FMN1: variants seen among roughly 807,000 people sequenced by gnomAD.
The protein encoded by FMN1 is formin 1.
In FMN1, 110 loss-of-function variants were observed where a neutral mutation model predicts 132.4. That is an observed-to-expected ratio of 0.83 (90% CI 0.71 to 0.97). The LOEUF (loss-of-function observed/expected upper bound fraction) is 0.97. Among genes scored for constraint, FMN1 ranks in the 50% least tolerant of loss-of-function variants. The pLI, the probability that FMN1 is intolerant of heterozygous loss-of-function variation, is 0.00. For synonymous variants in FMN1, 722 were observed against 651.7 expected, an observed-to-expected ratio of 1.11 and a Z score of -1.64; for missense variants, 1,792 against 1,705.3, an observed-to-expected ratio of 1.05 and a Z score of -0.90.
chr15:32,878,900 G>T (rs1038435545), intron 16 of FMN1, among the ~76,000 whole-genome samples: 3 of 152,162 alleles, frequency 2.0e-5, no homozygotes, highest in Non-Finnish European at 4.4e-5. Context: ...AATAGAGGGT[G>T]CAAACTGAGA....
chr15:32,891,757 C>T (rs1007707780), intron 15 of FMN1, among the ~76,000 whole-genome samples: 12 of 151,924 alleles, frequency 7.9e-5, no homozygotes, highest in African/African-American at 2.9e-4. Flanking sequence ...TTGTGGAGGT[C>T]TTTTGACTCC....
chr15:32,891,606 T>C (rs575020194), intron 15 of FMN1, among the ~76,000 whole-genome samples: 2 of 152,276 alleles, frequency 1.3e-5, no homozygotes, highest in South Asian at 2.1e-4. Context: ...AATTTGTAGA[T>C]TGCTTTGGGC....
chr15:32,953,007 T>C (rs954829487), intron 9 of FMN1, among the ~76,000 whole-genome samples: 1 of 152,162 alleles, frequency 6.6e-6, no homozygotes. Flanking sequence ...CCCCACACTG[T>C]ACTGGGGAAC....
intron 4 of FMN1, among the ~76,000 whole-genome samples, chr15:33,115,496 C>CACA (rs1566928919): frequency 2.3e-4 from 33 of 141,742 alleles, no homozygotes; most frequent in Admixed American, 4.2e-4. Context: ...CTTAAGCCCC[C>CACA]CCCCCCCACA....
intron 6 of FMN1, among the ~76,000 whole-genome samples, chr15:33,020,625 C>T (rs1300934248): frequency 2.3e-5 from 3 of 128,794 alleles, no homozygotes; most frequent in Non-Finnish European, 4.8e-5. Flanking sequence ...GAGACAAGAG[C>T]GAAACTCCGT....
intron 17 of FMN1, among the ~76,000 whole-genome samples, chr15:32,845,515 G>C (rs1379801436): frequency 6.6e-6 from 1 of 152,086 alleles, no homozygotes; most frequent in African/African-American, 2.4e-5. Flanking sequence ...AGGGTCCTGG[G>C]ACTCAAAAGA....
intron 4 of FMN1, among the ~76,000 whole-genome samples, chr15:33,106,851 A>G (rs575393971): frequency 6.6e-6 from 1 of 152,022 alleles, no homozygotes; most frequent in Non-Finnish European, 1.5e-5. Flanking sequence ...TAAATGTTTC[A>G]GCACCCCAAA....
Position 32,788,617 on chromosome 15 carries a change from G to C in FMN1, c.4130+10187C>G, listed in dbSNP as rs572951086. On this transcript the variant is annotated intron_variant, in intron 19 of 20. Transcript: ENST00000616417. ...CCAGGCAGCCCCCTGTTGCATCTCT[G>C]CCCAAGGCAGGAGCTGTCAGGAGTC... Among the ~76,000 whole-genome samples, 30 of 152,324 alleles carry C rather than the reference G, an allele frequency of 2.0e-4. No homozygotes were observed. The South Asian group carries it at 5.8e-3, about 29-fold the overall frequency.
intron 6 of FMN1, among the ~76,000 whole-genome samples, chr15:33,017,184 C>G (rs2035101391): frequency 6.6e-6 from 1 of 151,502 alleles, no homozygotes; most frequent in Non-Finnish European, 1.5e-5. Context: ...AGGGAGGAAT[C>G]AGTGGAGCGA....
At chr15:32,863,348 G>A (rs1018915741) in intron 16 of FMN1, among the ~76,000 whole-genome samples, 1 of 152,156 alleles carries the variant, frequency 6.6e-6, no homozygotes, top group Non-Finnish European at 1.5e-5. Flanking sequence ...GCAGGAGAAT[G>A]GCGTGAACCC....
chr15:33,116,152 G>A (rs899205990), intron 4 of FMN1, among the ~76,000 whole-genome samples: 5 of 152,184 alleles, frequency 3.3e-5, no homozygotes, highest in Admixed American at 6.5e-5. Context: ...AGCCTTATTA[G>A]TAGTTACTTA....
intron 10 of FMN1, among the ~76,000 whole-genome samples, chr15:32,912,647 A>T (rs1322566114): frequency 1.3e-5 from 2 of 152,152 alleles, no homozygotes; most frequent in Non-Finnish European, 2.9e-5. Flanking sequence ...ACCTGCAGAG[A>T]TCAGTTTTGT....
intron 3 of FMN1, among the ~76,000 whole-genome samples, chr15:33,165,447 G>A (rs1185575540): frequency 6.6e-6 from 1 of 152,226 alleles, no homozygotes; most frequent in Non-Finnish European, 1.5e-5. Flanking sequence ...CTGGAGTGCA[G>A]TGGCGCGATC....
chr15:33,077,668 A>G (rs1241457611), intron 5 of FMN1, among the ~76,000 whole-genome samples: 4 of 151,758 alleles, frequency 2.6e-5, no homozygotes, highest in African/African-American at 4.8e-5. Context: ...TTCCAGCTTC[A>G]TCCATGTCTC....
chr15:33,039,112 T>C (rs888099484), intron 6 of FMN1, among the ~76,000 whole-genome samples: 6 of 152,142 alleles, frequency 3.9e-5, no homozygotes, highest in Non-Finnish European at 7.3e-5. Flanking sequence ...ATAGTAAGAT[T>C]TAAATAAAAA....
At chr15:33,117,113 A>G (rs1217113170) in intron 4 of FMN1, among the ~76,000 whole-genome samples, 1 of 152,166 alleles carries the variant, frequency 6.6e-6, no homozygotes, top group African/African-American at 2.4e-5. Context: ...AATCACTTAC[A>G]TAGTGAGAGC....
chr15:33,039,445 G>A (rs757460660), intron 6 of FMN1, among the ~76,000 whole-genome samples: 18 of 152,106 alleles, frequency 1.2e-4, no homozygotes, highest in Non-Finnish European at 1.9e-4. Flanking sequence ...AACATAATAG[G>A]TTATTGAGGA....
At chr15:33,080,424 A>G (rs1166503380) in intron 5 of FMN1, among the ~76,000 whole-genome samples, 4 of 152,124 alleles carry the variant, frequency 2.6e-5, no homozygotes, top group African/African-American at 9.7e-5. Flanking sequence ...ACCCCCTCAC[A>G]CTGCTAGTGC....
rs143269356 is a variant in FMN1, at chr15:33,111,784, C to G, written c.1868-22810G>C. Among the ~76,000 whole-genome samples the G allele has an allele frequency of 2.4e-4, 37 of 151,970 alleles. No individual in the cohort carries two copies. The East Asian group carries it at 6.2e-3, about 25-fold the overall frequency. On this transcript the variant is annotated intron_variant, in intron 4 of 20. Transcript: ENST00000616417. ...AAGCTCAGTGATAACTTGGGCTGGA[C>G]GGGGTTGTGGGAAAATGGTGAGTGA...
Sources: gnomAD v4.1 joint callset for allele counts (sites outside exome capture counted in the v4.1 genomes callset) on GRCh38, gnomAD v4.1.1 for gene constraint, MANE v1.5 for transcripts, NCBI Gene and HGNC (gene_info 2026-07-23, HGNC 2026-07-21) for gene names.